KYAT1: variants seen among roughly 807,000 people sequenced by gnomAD.
KYAT1 encodes kynurenine aminotransferase 1.
A neutral mutation model predicts 52.4 loss-of-function variants in KYAT1; 47 were observed. The ratio of observed to expected loss-of-function variants is 0.90; its 90% confidence interval spans 0.71 to 1.14. The LOEUF (loss-of-function observed/expected upper bound fraction) is 1.14. Among genes scored for constraint, KYAT1 ranks in the 50% most tolerant of loss-of-function variants. The probability of loss-of-function intolerance (pLI) is 0.00; values close to 1 mark genes in which losing one functional copy is unlikely to be tolerated. For missense variants in KYAT1, 480 were observed against 557.9 expected, an observed-to-expected ratio of 0.86 and a Z score of 1.41; for synonymous variants, 212 against 209.6, an observed-to-expected ratio of 1.01 and a Z score of -0.10.
At chr9:128,870,989 T>C (rs1372839886) in intron 1 of KYAT1, among the ~76,000 whole-genome samples, 1 of 149,132 alleles carries the variant, frequency 6.7e-6, no homozygotes, top group Non-Finnish European at 1.5e-5. Flanking sequence ...TTTAAAAGGG[T>C]TGAAGAACAA....
chr9:128,842,800 C>A lies in KYAT1; in HGVS notation c.55G>T (p.Val19Leu). 6.2e-7 allele frequency: 1 copy of A among 1,612,654 alleles called. No individual in the cohort carries two copies. The highest frequency in any genetic ancestry group is 8.5e-7 in the Non-Finnish European group (1 of 1,179,250). The change falls in exon 3 of 13, where the codon GTG becomes TTG. Residue 19 changes from valine (V) to leucine (L), a missense_variant and splice_region_variant. Coordinates refer to ENST00000302586, the MANE Select transcript of KYAT1 (RefSeq NM_004059.5). ...RLDGIDYNPW[V>L]EFVKLASEHD... ...TCACTGGCCAGTTTCACAAACTCCACCCTGGGTAACAAATGGAGAATCAGC... is the reference window on the plus strand; with the variant it reads ...TCACTGGCCAGTTTCACAAACTCCAACCTGGGTAACAAATGGAGAATCAGC...
intron 1 of KYAT1, among the ~76,000 whole-genome samples, chr9:128,873,363 G>GAAAAAAAAAAAAAAAAAAAA (rs74942940): frequency 9.3e-6 from 1 of 107,762 alleles, no homozygotes. Context: ...TATAGAAAAT[G>GAAAAAAAAAAAAAAAAAAAA]AAAAAAAAAA....
chr9:128,850,331 C>T (rs1465774465), intron 1 of KYAT1, among the ~76,000 whole-genome samples: 6 of 152,166 alleles, frequency 3.9e-5, no homozygotes, highest in African/African-American at 9.7e-5. Context: ...TGAACAATTG[C>T]TTTGCTGAGA....
At chr9:128,872,928 T>C (rs1837445694) in intron 1 of KYAT1, among the ~76,000 whole-genome samples, 1 of 150,928 alleles carries the variant, frequency 6.6e-6, no homozygotes, top group South Asian at 2.1e-4. Flanking sequence ...CAAAAAAAAT[T>C]AGCCGGGCAT....
intron 11 of KYAT1, among the ~76,000 whole-genome samples, chr9:128,834,533 G>C (rs891222152): frequency 6.6e-6 from 1 of 151,776 alleles, no homozygotes; most frequent in Admixed American, 6.6e-5. Flanking sequence ...GTTAGAAACA[G>C]GTTCCTCAGG....
At chr9:128,858,400 A>T (rs1286711121) in intron 1 of KYAT1, among the ~76,000 whole-genome samples, 1 of 145,218 alleles carries the variant, frequency 6.9e-6, no homozygotes, top group Non-Finnish European at 1.5e-5. Flanking sequence ...ATGTATAAAA[A>T]AAAAAAAAAA....
intron 1 of KYAT1, among the ~76,000 whole-genome samples, chr9:128,868,427 G>T (rs916510158): frequency 6.6e-6 from 1 of 151,988 alleles, no homozygotes; most frequent in Non-Finnish European, 1.5e-5. Flanking sequence ...TCATTCTGTA[G>T]CCCAGGCTGG....
intron 1 of KYAT1, among the ~76,000 whole-genome samples, chr9:128,851,122 C>T (rs1409740784): frequency 6.6e-6 from 1 of 152,138 alleles, no homozygotes; most frequent in Non-Finnish European, 1.5e-5. Flanking sequence ...GCATGCCGGT[C>T]TCCTGGGCCC....
chr9:128,836,916 A>C lies in KYAT1; in HGVS notation c.574T>G (p.Ser192Ala). The C allele has an allele frequency of 1.9e-6, 3 of 1,612,380 alleles. No individual in the cohort carries two copies. In the African/African-American group the frequency reaches 4.0e-5, roughly 21 times the overall value. ...GCCACCAGCTCCAGCTCTTCCCTGG[A>C]GAACACCTGCAGATGCCCAAGGAGA... is the stretch of plus-strand genomic sequence containing the variant. The part of the protein sequence containing the change: ...TPNNPLGKVF[S>A]REELELVASL... The change falls in exon 7 of 13, where the codon TCC becomes GCC. Residue 192 changes from serine (S) to alanine (A), a missense_variant. Ser to Ala is a moderately conservative substitution (Grantham distance 99, BLOSUM62 1). Transcript: ENST00000302586.
intron 2 of KYAT1, 76 bp from the exon 3 acceptor site, chr9:128,842,877 G>A: frequency 6.7e-7 from 1 of 1,483,030 alleles, no homozygotes; most frequent in Non-Finnish European, 9.1e-7. Context: ...TAGAAAAACT[G>A]GACAACCGGC....
chr9:128,852,469 AGTT>A, intron 1 of KYAT1, among the ~76,000 whole-genome samples: 2 of 152,362 alleles, frequency 1.3e-5, no homozygotes, highest in Non-Finnish European at 2.9e-5. Context: ...TTGTAGCTCA[AGTT>A]CTTCAACCAG....
intron 1 of KYAT1, among the ~76,000 whole-genome samples, chr9:128,864,650 C>T (rs1022782213): frequency 2.0e-5 from 3 of 151,914 alleles, no homozygotes; most frequent in African/African-American, 7.3e-5. Context: ...GCTCTGTCGC[C>T]CAGGCTGAAG....
At chr9:128,846,873 T>C (rs1833190412) in intron 1 of KYAT1, 10 of 1,530,670 alleles carry the variant, frequency 6.5e-6, no homozygotes, top group South Asian at 1.2e-5. Context: ...TGGTCAATAG[T>C]GAACCCTGGC....
At chr9:128,837,341 T>TGTTCTGCACCATCA (rs1831309955) in intron 6 of KYAT1, among the ~76,000 whole-genome samples, 1 of 152,232 alleles carries the variant, frequency 6.6e-6, no homozygotes, top group African/African-American at 2.4e-5. Context: ...TGCTAAGGGC[T>TGTTCTGCACCATCA]GTTCTGCACC....
intron 1 of KYAT1, among the ~76,000 whole-genome samples, chr9:128,854,212 A>C (rs1280365631): frequency 3.3e-5 from 5 of 152,210 alleles, no homozygotes; most frequent in African/African-American, 1.2e-4. Flanking sequence ...TTGGTTAAAC[A>C]AAAAAAGGAA....
intron 3 of KYAT1, among the ~76,000 whole-genome samples, chr9:128,839,349 G>A (rs1447831206): frequency 3.3e-5 from 5 of 152,142 alleles, no homozygotes; most frequent in Non-Finnish European, 4.4e-5. Flanking sequence ...TGACAGTCAG[G>A]AACCTCATGT....
intron 3 of KYAT1, chr9:128,842,093 G>A (rs1164616778): frequency 2.9e-6 from 1 of 348,260 alleles, no homozygotes; most frequent in South Asian, 2.2e-5. Context: ...TCCAGAGGCT[G>A]AGGTGGGAGG....
intron 3 of KYAT1, 76 bp from the exon 4 acceptor site, chr9:128,838,443 T>C (rs1055279696): frequency 6.4e-7 from 1 of 1,573,640 alleles, no homozygotes; most frequent in East Asian, 2.3e-5. Context: ...CAGGCAATTC[T>C]AGCACCTTCC....
intron 1 of KYAT1, among the ~76,000 whole-genome samples, chr9:128,868,338 G>A (rs1242944702): frequency 6.6e-6 from 1 of 151,914 alleles, no homozygotes; most frequent in African/African-American, 2.4e-5. Flanking sequence ...CCAAAGTGCT[G>A]TGATTACAGG....
Sources: allele counts gnomAD v4.1 joint callset (sites outside exome capture counted in the v4.1 genomes callset), GRCh38; gene constraint gnomAD v4.1.1; transcripts MANE v1.5; gene names NCBI Gene and HGNC (gene_info 2026-07-23, HGNC 2026-07-21).